Variants in KIFAP3 observed in about 807,000 individuals in gnomAD.
The protein encoded by KIFAP3 is kinesin-associated protein 3.
Under a neutral mutation model 106.5 loss-of-function variants are expected in KIFAP3, and 68 were observed. The observed-to-expected ratio is 0.64, with a 90% CI of 0.53 to 0.78. The LOEUF is 0.78. Among genes scored for constraint, KIFAP3 ranks in the 30% least tolerant of loss-of-function variants. KIFAP3 has a pLI of 0.00. For synonymous variants in KIFAP3, 320 were observed against 311.5 expected (o/e 1.03, Z -0.29); for missense variants, 780 against 941.8 (o/e 0.83, Z 2.25).
intron 18 of KIFAP3, among the ~76,000 whole-genome samples, chr1:169,959,636 T>C (rs959385134): frequency 6.6e-6 from 1 of 152,162 alleles, no homozygotes; most frequent in Non-Finnish European, 1.5e-5. Context: ...ATTTTAATTG[T>C]ATTAAAACAA....
chr1:170,026,020 AGAG>A (rs1480033727), intron 8 of KIFAP3, among the ~76,000 whole-genome samples: 1 of 152,148 alleles, frequency 6.6e-6, no homozygotes, highest in Non-Finnish European at 1.5e-5. Flanking sequence ...TGTCTTAAGA[AGAG>A]GAGGAGGTGA....
intron 10 of KIFAP3, among the ~76,000 whole-genome samples, chr1:170,012,955 T>C (rs941887877): frequency 6.6e-6 from 1 of 152,122 alleles, no homozygotes; most frequent in Non-Finnish European, 1.5e-5. Flanking sequence ...TATCACCACC[T>C]GGCCCGGCCC....
intron 2 of KIFAP3, 68 bp downstream of exon 2, chr1:170,055,237 A>C: frequency 7.2e-7 from 1 of 1,386,954 alleles, no homozygotes; most frequent in Non-Finnish European, 9.8e-7. Flanking sequence ...GATCAAAATA[A>C]TATCAGATTT....
chr1:169,984,692 T>A lies in KIFAP3; in HGVS notation c.1285-2A>T. On this transcript the variant is annotated splice_acceptor_variant, in intron 11 of 19. Transcript: ENST00000361580. LOFTEE classifies it high-confidence loss of function. The stretch of plus-strand genomic sequence containing the variant: ...ACATTCAAACAGCATCTTCATTAAC[T>A]AGCAAGAAGCACAGGGCACATTTTA... 1 of 1,549,924 alleles carries A rather than the reference T, an allele frequency of 6.5e-7. No individual in the cohort carries two copies. Among genetic ancestry groups the A allele is most frequent in the Non-Finnish European group, 8.9e-7 (1 of 1,126,192 alleles).
chr1:170,038,352 C>G lies in KIFAP3; in HGVS notation c.455G>C (p.Gly152Ala), dbSNP rs1348208825. ...LYEDIPDKVR[G>A]SALILQLARN... ...AGCAAGCTGCAGGATCAAAGCAGAA[C>G]CCCGAACTTTGTCAGGAATATCTTC... Residue 152 changes from glycine (G) to alanine (A), a missense_variant, in exon 5 of 20, where the codon GGT (glycine) becomes GCT (alanine). This residue lies in a region of KIFAP3 where 588 missense variants were observed against 678.9 expected (regional missense o/e 0.87). Transcript: ENST00000361580. 6.2e-7 allele frequency: 1 copy of G among 1,609,942 alleles called. No homozygotes were observed. Among genetic ancestry groups the G allele is most frequent in the Non-Finnish European group, 8.5e-7 (1 of 1,179,188 alleles).
chr1:170,034,977 C>T (rs1051586264), intron 6 of KIFAP3, among the ~76,000 whole-genome samples: 7 of 151,834 alleles, frequency 4.6e-5, no homozygotes, highest in Non-Finnish European at 7.4e-5. Flanking sequence ...AGAACAGAAG[C>T]AGCAATTATC....
intron 18 of KIFAP3, among the ~76,000 whole-genome samples, chr1:169,954,593 A>G (rs537052788): frequency 6.6e-6 from 1 of 152,354 alleles, no homozygotes; most frequent in Admixed American, 6.5e-5. Flanking sequence ...TACCAAATAA[A>G]ATAAGTGAAT....
intron 1 of KIFAP3, among the ~76,000 whole-genome samples, chr1:170,056,195 G>A (rs1013984311): frequency 2.6e-5 from 4 of 151,866 alleles, no homozygotes; most frequent in African/African-American, 9.7e-5. Context: ...TACAATATAT[G>A]TCATGTATCA....
chr1:169,967,092 G>A (rs959073426), intron 17 of KIFAP3, among the ~76,000 whole-genome samples: 3 of 151,700 alleles, frequency 2.0e-5, no homozygotes, highest in Admixed American at 6.6e-5. Context: ...AAATTAATAG[G>A]CTAAGACAAT....
intron 1 of KIFAP3, 31 bp from the exon 2 acceptor site, chr1:170,055,467 G>T: frequency 2.0e-6 from 3 of 1,498,282 alleles, no homozygotes; most frequent in South Asian, 2.6e-5. Context: ...GATATAACCA[G>T]ATTAAAATTC....
chr1:170,024,653 G>A, intron 8 of KIFAP3, 57 bp from the exon 9 acceptor site: 2 of 1,082,360 alleles, frequency 1.8e-6, no homozygotes, highest in Non-Finnish European at 2.5e-6. Flanking sequence ...TAATAATTTA[G>A]AAAATCATTT....
intron 19 of KIFAP3, among the ~76,000 whole-genome samples, chr1:169,953,722 G>A (rs553700371): frequency 6.6e-6 from 1 of 152,180 alleles, no homozygotes; most frequent in Non-Finnish European, 1.5e-5. Flanking sequence ...CACCGCGTTA[G>A]CCAGGATGGT....
At chr1:169,987,023 T>A (rs1666861311) in intron 11 of KIFAP3, among the ~76,000 whole-genome samples, 2 of 152,058 alleles carry the variant, frequency 1.3e-5, no homozygotes, top group South Asian at 4.1e-4. Context: ...ATAAATGGAA[T>A]GCATAATGAT....
intron 10 of KIFAP3, among the ~76,000 whole-genome samples, chr1:169,999,965 C>T (rs1041595810): frequency 1.3e-5 from 2 of 152,078 alleles, no homozygotes; most frequent in Non-Finnish European, 2.9e-5. Flanking sequence ...ACTATCAGCT[C>T]TCTGGGCTGC....
intron 19 of KIFAP3, among the ~76,000 whole-genome samples, chr1:169,947,216 A>G: frequency 6.6e-6 from 1 of 152,002 alleles, no homozygotes; most frequent in East Asian, 1.9e-4. Context: ...AGATGTTTAC[A>G]TATATTGAAA....
chr1:170,050,540 A>T (rs995711874), intron 2 of KIFAP3, among the ~76,000 whole-genome samples: 5 of 152,192 alleles, frequency 3.3e-5, no homozygotes, highest in Admixed American at 6.5e-5. Flanking sequence ...ACACATAATC[A>T]TCAGATTCTC....
chr1:169,977,325 A>T (rs1309157443), intron 16 of KIFAP3, among the ~76,000 whole-genome samples: 10 of 152,192 alleles, frequency 6.6e-5, no homozygotes, highest in Non-Finnish European at 2.9e-5. Context: ...TGTTACCAAT[A>T]TTGAGTACCC....
intron 11 of KIFAP3, among the ~76,000 whole-genome samples, chr1:169,987,247 T>C (rs1666874603): frequency 6.6e-6 from 1 of 152,102 alleles, no homozygotes; most frequent in African/African-American, 2.4e-5. Flanking sequence ...CATTGTCATC[T>C]TTTACTAATT....
chr1:169,993,677 T>A (rs1212328306), intron 10 of KIFAP3, among the ~76,000 whole-genome samples: 2 of 55,656 alleles, frequency 3.6e-5, no homozygotes, highest in Non-Finnish European at 3.9e-5. Context: ...GCCCAGATTG[T>A]GCCACTGAAC....
Sources: allele counts gnomAD v4.1 joint callset (sites outside exome capture counted in the v4.1 genomes callset), GRCh38; gene constraint gnomAD v4.1.1; regional missense constraint gnomAD v4.1.1; transcripts MANE v1.5; gene names NCBI Gene and HGNC (gene_info 2026-07-23, HGNC 2026-07-21).